Variants in PLXNA4 observed in about 807,000 individuals in gnomAD.
The protein encoded by PLXNA4 is plexin A4.
Under a neutral mutation model 191.8 loss-of-function variants are expected in PLXNA4, and 44 were observed. That is an observed-to-expected ratio of 0.23 (90% CI 0.18 to 0.29). The LOEUF is 0.29. PLXNA4 is among the 10% of genes least tolerant of loss of function. PLXNA4 has a pLI of 1.00. For synonymous variants in PLXNA4, 1,082 were observed against 1,009.5 expected (o/e 1.07, Z -1.36); for missense variants, 1,800 against 2,488.8 (o/e 0.72, Z 5.89).
intron 10 of PLXNA4, among the ~76,000 whole-genome samples, chr7:132,209,372 C>G (rs1349939333): frequency 6.6e-6 from 1 of 152,210 alleles, no homozygotes; most frequent in Non-Finnish European, 1.5e-5. Flanking sequence ...AGATGCAGGT[C>G]TCTTTCTATA....
intron 4 of PLXNA4, among the ~76,000 whole-genome samples, chr7:132,250,030 G>A (rs911074173): frequency 2.0e-5 from 3 of 152,186 alleles, no homozygotes; most frequent in African/African-American, 7.2e-5. Flanking sequence ...TTATCTCAGG[G>A]ACAAGTGAGA....
At chr7:132,187,078 C>T (rs534083916) in intron 15 of PLXNA4, among the ~76,000 whole-genome samples, 45 of 152,188 alleles carry the variant, frequency 3.0e-4, no homozygotes, top group Non-Finnish European at 5.9e-4. Flanking sequence ...ACTAGTTCTG[C>T]GATCCCACCC....
intron 25 of PLXNA4, among the ~76,000 whole-genome samples, chr7:132,149,524 C>A (rs1391426975): frequency 6.6e-6 from 1 of 152,188 alleles, no homozygotes; most frequent in South Asian, 2.1e-4. Flanking sequence ...GCAGCACACA[C>A]ATGTATGAGC....
chr7:132,280,622 G>T (rs1373908326), intron 4 of PLXNA4, among the ~76,000 whole-genome samples: 1 of 152,136 alleles, frequency 6.6e-6, no homozygotes, highest in Non-Finnish European at 1.5e-5. Context: ...GAAAAGAACA[G>T]AAAAGACTAG....
At chr7:132,136,771 C>T (rs534007802) in intron 30 of PLXNA4, among the ~76,000 whole-genome samples, 137 of 152,316 alleles carry the variant, frequency 9.0e-4, no homozygotes, top group African/African-American at 2.5e-3. Flanking sequence ...AAGGACACAG[C>T]GTTGGCATTC....
At chr7:132,173,394 C>A (rs1299757248) in intron 21 of PLXNA4, among the ~76,000 whole-genome samples, 1 of 152,202 alleles carries the variant, frequency 6.6e-6, no homozygotes, top group African/African-American at 2.4e-5. Context: ...TACACGCACA[C>A]AAACACACAT....
chr7:132,245,365 G>A (rs922296847), intron 4 of PLXNA4, among the ~76,000 whole-genome samples: 5 of 152,120 alleles, frequency 3.3e-5, no homozygotes, highest in Non-Finnish European at 5.9e-5. Context: ...CTTCACCTTC[G>A]CTGCTTCTAG....
intron 28 of PLXNA4, 76 bp downstream of exon 28, chr7:132,146,434 C>G (rs1795436213): frequency 5.0e-6 from 8 of 1,612,996 alleles, no homozygotes; most frequent in Admixed American, 3.3e-5. Flanking sequence ...ACTGGCTACT[C>G]TGGCATTTCT....
chr7:132,202,152 G>A (rs1178832386), intron 12 of PLXNA4, among the ~76,000 whole-genome samples: 1 of 152,118 alleles, frequency 6.6e-6, no homozygotes, highest in Non-Finnish European at 1.5e-5. Context: ...TGTCCCTTTG[G>A]TCCCCCTAAA....
chr7:132,246,692 T>C (rs1304304617), intron 4 of PLXNA4, among the ~76,000 whole-genome samples: 1 of 152,042 alleles, frequency 6.6e-6, no homozygotes, highest in African/African-American at 2.4e-5. Context: ...AAGGTAAGCT[T>C]CCTTAAATAA....
At chr7:132,493,512 G>A (rs1202331116) in intron 2 of PLXNA4, among the ~76,000 whole-genome samples, 1 of 152,154 alleles carries the variant, frequency 6.6e-6, no homozygotes, top group Non-Finnish European at 1.5e-5. Context: ...AGAGGACTCT[G>A]GATCTTTTTT....
In PLXNA4 at chr7:132,496,590, C is replaced by A. The variant is rs571569878; in HGVS notation, c.1189-7116G>T. Among the ~76,000 whole-genome samples the A allele has an allele frequency of 3.3e-5, 5 of 152,158 alleles. No individual in the cohort carries two copies. The East Asian group carries it at 9.7e-4, about 29-fold the overall frequency. On this transcript the variant is annotated intron_variant, in intron 2 of 31. Transcript: ENST00000321063. ...CTAATTTTTTTATTTTTAGTAGAGACGGGGTTTCACTATGTTGGCCAGGCT... is the reference window on the plus strand; with the variant it reads ...CTAATTTTTTTATTTTTAGTAGAGAAGGGGTTTCACTATGTTGGCCAGGCT...
At chr7:132,400,547 C>G (rs1268072849) in intron 3 of PLXNA4, among the ~76,000 whole-genome samples, 1 of 152,236 alleles carries the variant, frequency 6.6e-6, no homozygotes, top group Non-Finnish European at 1.5e-5. Context: ...GCCTCAGACA[C>G]GCTCACCCTT....
intron 2 of PLXNA4, among the ~76,000 whole-genome samples, chr7:132,628,555 C>G (rs544866376): frequency 2.7e-5 from 4 of 148,514 alleles, no homozygotes; most frequent in South Asian, 4.4e-4. Flanking sequence ...TAAAAATGTC[C>G]TCTCTCTCTC....
intron 4 of PLXNA4, among the ~76,000 whole-genome samples, chr7:132,275,853 T>G (rs368749666): frequency 1.1e-4 from 17 of 152,304 alleles, no homozygotes; most frequent in African/African-American, 4.1e-4. Flanking sequence ...CTCTCTGCAG[T>G]GACTATATTT....
At chr7:132,333,224 G>A (rs899340572) in intron 3 of PLXNA4, among the ~76,000 whole-genome samples, 5 of 152,192 alleles carry the variant, frequency 3.3e-5, no homozygotes, top group Non-Finnish European at 7.3e-5. Context: ...TGTGTGGCTA[G>A]TGGGGAATTT....
At chr7:132,550,123 T>G (rs1800495716) in intron 1 of PLXNA4, among the ~76,000 whole-genome samples, 1 of 151,998 alleles carries the variant, frequency 6.6e-6, no homozygotes, top group African/African-American at 2.4e-5. Context: ...AAGGGTAAGG[T>G]TTACCCTGAA....
upstream of PLXNA4, among the ~76,000 whole-genome samples, chr7:132,580,958 G>A (rs1029401843): frequency 1.3e-5 from 2 of 152,310 alleles, no homozygotes; most frequent in African/African-American, 4.8e-5. Context: ...GGAGGCAAGA[G>A]GAGCCTTCCG....
chr7:132,469,376 G>A (rs1006609203), intron 3 of PLXNA4, among the ~76,000 whole-genome samples: 1 of 152,132 alleles, frequency 6.6e-6, no homozygotes, highest in Admixed American at 6.5e-5. Flanking sequence ...TCACCATGGA[G>A]TAGTTGCTCA....
Sources: gnomAD v4.1 joint callset for allele counts (sites outside exome capture counted in the v4.1 genomes callset) on GRCh38, gnomAD v4.1.1 for gene constraint, MANE v1.5 for transcripts, NCBI Gene and HGNC (gene_info 2026-07-23, HGNC 2026-07-21) for gene names.